Variants in PCDHGB1 observed in about 807,000 individuals in gnomAD.
PCDHGB1 encodes the protein protocadherin gamma-B1.
PCDHGB1 carries 34 observed loss-of-function variants against 56.6 expected under a neutral mutation model. That is an observed-to-expected ratio of 0.60 (90% CI 0.46 to 0.80). The LOEUF (loss-of-function observed/expected upper bound fraction) is 0.80, where lower values mean the gene tolerates loss of function less well. PCDHGB1 is among the 30% of genes least tolerant of loss of function. The probability of loss-of-function intolerance (pLI) is 0.00; values close to 1 mark genes in which losing one functional copy is unlikely to be tolerated. For synonymous variants in PCDHGB1, 561 were observed against 505.9 expected (o/e 1.11, Z -1.46); for missense variants, 1,278 against 1,204.6 (o/e 1.06, Z -0.90).
chr5:141,394,316 G>C (rs779061595), intron 1 of PCDHGB1: 1 of 1,613,976 alleles, frequency 6.2e-7, no homozygotes, highest in African/African-American at 1.3e-5. Context: ...GGGCGCCCCT[G>C]TCCTCGTATA....
chr5:141,394,466 C>G lies in PCDHGB1; in HGVS notation c.2409+41797C>G, dbSNP rs765078363. 3.7e-6 allele frequency: 6 copies of G among 1,614,222 alleles called. 1 individual carries two copies. Among genetic ancestry groups the G allele is most frequent in the East Asian group, 4.5e-5 (2 of 44,878 alleles). On this transcript the variant is annotated intron_variant, in intron 1 of 3. Transcript: ENST00000523390. The stretch of plus-strand genomic sequence containing the variant: ...GCAGCAACATGTCACTGAGCCTGTT[C>G]GTGCTGGACCAGAATGACAACGCGC...
intron 1 of PCDHGB1, chr5:141,410,439 G>C: frequency 6.2e-7 from 1 of 1,614,008 alleles, no homozygotes; most frequent in Non-Finnish European, 8.5e-7. Context: ...TACAGTGAGG[G>C]GACTTTGCCT....
intron 1 of PCDHGB1, chr5:141,391,245 G>A (rs1324945676): frequency 6.6e-6 from 1 of 151,892 alleles, no homozygotes; most frequent in African/African-American, 2.4e-5. Flanking sequence ...GTATATCTAA[G>A]CAACTGCTTC....
Position 141,432,035 on chromosome 5 carries a change from G to T in PCDHGB1, c.2410-62772G>T. 1 of 1,614,218 alleles carries T rather than the reference G, an allele frequency of 6.2e-7. No homozygotes were observed. The highest frequency in any genetic ancestry group is 1.1e-5 in the South Asian group (1 of 91,066). On this transcript the variant is annotated intron_variant, in intron 1 of 3. Transcript: ENST00000523390. The surrounding 1 kb of genome is among the most constrained non-coding windows in gnomAD (Gnocchi z 6.0). ...CTACAACATCACAGTGACCGCCACT[G>T]ACCGGGGAACCCCGCCCCTATCCAC... is the stretch of plus-strand genomic sequence containing the variant.
chr5:141,423,594 C>A, intron 1 of PCDHGB1: 1 of 1,599,308 alleles, frequency 6.3e-7, no homozygotes, highest in South Asian at 1.1e-5. Context: ...GTGAGAAAAG[C>A]GAGCCACTCT....
intron 1 of PCDHGB1, among the ~76,000 whole-genome samples, chr5:141,473,775 T>A (rs1219791398): frequency 6.6e-6 from 1 of 152,190 alleles, no homozygotes; most frequent in African/African-American, 2.4e-5. Flanking sequence ...ATTTGGTATT[T>A]TAATTCAAGA....
intron 1 of PCDHGB1, chr5:141,413,580 A>G (rs1216926250): frequency 5.0e-6 from 8 of 1,613,804 alleles, no homozygotes; most frequent in Non-Finnish European, 1.7e-6. Context: ...ACAATGCTCC[A>G]AAATTCCAAG....
At chr5:141,433,326 A>G in intron 1 of PCDHGB1, 1 of 726,596 alleles carries the variant, frequency 1.4e-6, no homozygotes. Context: ...CCGGTGTAAC[A>G]GGGACTACAG....
intron 3 of PCDHGB1, among the ~76,000 whole-genome samples, chr5:141,506,444 C>CA (rs1219684339): frequency 0.017 from 1,570 of 94,842 alleles, 20 homozygotes; most frequent in African/African-American, 0.048. Flanking sequence ...CGCTCTGTCT[C>CA]AAAAAAAAAA....
At chr5:141,508,792 C>T (rs1198342551) in intron 3 of PCDHGB1, among the ~76,000 whole-genome samples, 3 of 152,130 alleles carry the variant, frequency 2.0e-5, no homozygotes, top group Admixed American at 6.5e-5. Flanking sequence ...CTAAATCACT[C>T]TGGAATCCTG....
At chr5:141,478,488 G>A in intron 1 of PCDHGB1, 1 of 1,613,320 alleles carries the variant, frequency 6.2e-7, no homozygotes, top group Non-Finnish European at 8.5e-7. Context: ...ACGCTGCGGA[G>A]CTGTGATCCG....
rs575679144 is a variant in PCDHGB1, at chr5:141,351,782, G to C, written c.1522G>C (p.Gly508Arg). Residue 508 changes from glycine (G) to arginine (R), a missense_variant, in exon 1 of 4, where the codon GGG becomes CGG. Gly to Arg is a moderately radical substitution (Grantham distance 125, BLOSUM62 -2). Coordinates refer to ENST00000523390, the MANE Select transcript of PCDHGB1 (RefSeq NM_018922.3). ...LSYVSVSPQS[G>R]VVFAQRAFDH... The stretch of plus-strand genomic sequence containing the variant: ...CTACGTGTCCGTGAGCCCGCAGAGC[G>C]GGGTGGTGTTCGCGCAGCGCGCCTT... 1.3e-5 allele frequency: 21 copies of C among 1,613,456 alleles called. No individual in the cohort carries two copies. Among genetic ancestry groups the C allele is most frequent in the South Asian group, 4.4e-5 (4 of 91,092 alleles).
At chr5:141,472,017 T>C (rs2154571143) in intron 1 of PCDHGB1, among the ~76,000 whole-genome samples, 1 of 152,290 alleles carries the variant, frequency 6.6e-6, no homozygotes, top group South Asian at 2.1e-4. Context: ...GGGCACTATA[T>C]TGTATGTAGA....
At chr5:141,400,017 C>T in intron 1 of PCDHGB1, 1 of 1,612,778 alleles carries the variant, frequency 6.2e-7, no homozygotes. Context: ...CCTTGGGCGA[C>T]AGGGACGCGG....
At chr5:141,500,929 C>T (rs1347340945) in intron 2 of PCDHGB1, among the ~76,000 whole-genome samples, 2 of 151,210 alleles carry the variant, frequency 1.3e-5, no homozygotes, top group South Asian at 2.1e-4. Flanking sequence ...GGTGCAGTGG[C>T]GCCATCTCGG....
intron 1 of PCDHGB1, among the ~76,000 whole-genome samples, chr5:141,406,639 A>G (rs1301755864): frequency 6.6e-6 from 1 of 152,208 alleles, no homozygotes; most frequent in Non-Finnish European, 1.5e-5. Flanking sequence ...AAAGGTCTTA[A>G]TTTCCTAATG....
intron 1 of PCDHGB1, chr5:141,412,049 T>C (rs2095532088): frequency 1.3e-5 from 2 of 152,256 alleles, no homozygotes; most frequent in Admixed American, 1.3e-4. Flanking sequence ...AGTGAACTTC[T>C]ATACCCTTTG....
At chr5:141,394,482 G>A in intron 1 of PCDHGB1, 1 of 1,614,240 alleles carries the variant, frequency 6.2e-7, no homozygotes, top group Non-Finnish European at 8.5e-7. Context: ...GGACCAGAAT[G>A]ACAACGCGCC....
intron 1 of PCDHGB1, among the ~76,000 whole-genome samples, chr5:141,434,854 A>G (rs2097723190): frequency 6.6e-6 from 1 of 151,936 alleles, no homozygotes; most frequent in Admixed American, 6.6e-5. Context: ...ACATCAATAA[A>G]TTTATATATA....
Sources: gnomAD v4.1 joint callset for allele counts (sites outside exome capture counted in the v4.1 genomes callset) on GRCh38, gnomAD v4.1.1 for gene constraint, Gnocchi (gnomAD v3.1) non-coding constraint, MANE v1.5 for transcripts, NCBI Gene and HGNC (gene_info 2026-07-23, HGNC 2026-07-21) for gene names.